ALDH16A1: variants seen among roughly 807,000 people sequenced by gnomAD.
ALDH16A1 encodes aldehyde dehydrogenase 16 family member A1.
In ALDH16A1, 88 loss-of-function variants were observed where a neutral mutation model predicts 96.1. That is an observed-to-expected ratio of 0.92 (90% CI 0.77 to 1.09). The LOEUF (loss-of-function observed/expected upper bound fraction) is 1.09, where lower values mean the gene tolerates loss of function less well. ALDH16A1 is among the 50% of genes least tolerant of loss of function. ALDH16A1 has a pLI of 0.00. For synonymous variants in ALDH16A1, 522 were observed against 496.4 expected (o/e 1.05, Z -0.69); for missense variants, 1,250 against 1,112.6 (o/e 1.12, Z -1.76).
Position 49,461,742 on chromosome 19 carries a change from T to G in ALDH16A1, c.701T>G (p.Val234Gly). The change falls in exon 6 of 17, where the codon GTG (valine) becomes GGG (glycine). Residue 234 changes from valine to glycine, a missense_variant. Physicochemically the swap from Val to Gly is moderately radical, Grantham distance 109 (BLOSUM62 -3). Transcript: ENST00000293350. ...GTCCTCAGTGGCCCTGCGTCCCTGGTGCCCATCCTGGCCTCCCAGCCTGGA... is the reference window on the plus strand; with the variant it reads ...GTCCTCAGTGGCCCTGCGTCCCTGGGGCCCATCCTGGCCTCCCAGCCTGGA... ...LNVLSGPASLVPILASQPGIR... is the reference protein window; with the variant it reads ...LNVLSGPASLGPILASQPGIR... The G allele has an allele frequency of 6.2e-7, 1 of 1,610,236 alleles. No homozygotes were observed. The highest frequency in any genetic ancestry group is 8.5e-7 in the Non-Finnish European group (1 of 1,178,322).
chr19:49,468,829 G>T lies in ALDH16A1; in HGVS notation c.2125-35G>T, dbSNP rs202240148. ...TGCCCACTCCTTGCCCTGCCCCCAC[G>T]GCCTCCCCAACCTTTCACTCTCTCT... On this transcript the variant is annotated intron_variant, in intron 15 of 16. Transcript: ENST00000293350. This position sits in a 1 kb window ranked among gnomAD's most constrained non-coding sequence, Gnocchi z 4.4. 3.2e-5 allele frequency: 51 copies of T among 1,591,536 alleles called. No individual in the cohort carries two copies. The highest frequency in any genetic ancestry group is 4.4e-5 in the Non-Finnish European group (51 of 1,167,272).
At chr19:49,454,996 T>C (rs182191701) in intron 1 of ALDH16A1, among the ~76,000 whole-genome samples, 11 of 150,016 alleles carry the variant, frequency 7.3e-5, no homozygotes, top group Non-Finnish European at 1.6e-4. Context: ...TGTTTGCCTG[T>C]AATCCTAGCT....
intron 16 of ALDH16A1, 54 bp from the exon 17 acceptor site, chr19:49,470,252 G>A (rs1052033891): frequency 6.2e-7 from 1 of 1,600,584 alleles, no homozygotes. Context: ...GAGGAAGCAG[G>A]TGCTCAGCAA....
chr19:49,460,371 G>C (rs1181883163), intron 4 of ALDH16A1, among the ~76,000 whole-genome samples: 1 of 151,712 alleles, frequency 6.6e-6, no homozygotes, highest in Admixed American at 6.6e-5. Context: ...CCAAGTAACT[G>C]GGACTACGAC....
At position 49,462,676 on chromosome 19, in the gene ALDH16A1, T is replaced by C; in HGVS notation, c.1019T>C (p.Val340Ala). 1 of 1,609,862 alleles carries C rather than the reference T, an allele frequency of 6.2e-7. No homozygotes were observed. The highest frequency in any genetic ancestry group is 8.5e-7 in the Non-Finnish European group (1 of 1,179,190). The change falls in exon 8 of 17, where the codon GTG becomes GCG. Residue 340 changes from valine (V) to alanine (A), a missense_variant. Physicochemically the swap from Val to Ala is moderately conservative, Grantham distance 64 (BLOSUM62 0). Transcript: ENST00000293350. ...LRSGRGLDGA[V>A]DMGARGAAAC... is the part of the protein sequence containing the mutation. The stretch of plus-strand genomic sequence containing the variant: ...AGTGGCCGAGGGCTGGATGGGGCCG[T>C]GGACATGGGGGCCCGGGGGGCTGCC...
At chr19:49,466,050 G>C in intron 13 of ALDH16A1, 32 bp from the exon 14 acceptor site, 1 of 1,539,570 alleles carries the variant, frequency 6.5e-7, no homozygotes. Context: ...AGACCAGGAT[G>C]CCAACCCCCA....
chr19:49,461,623 C>T lies in ALDH16A1; in HGVS notation c.582C>T (p.Cys194=), dbSNP rs1422242498. 4.4e-6 allele frequency: 7 copies of T among 1,585,558 alleles called. No homozygotes were observed. Among genetic ancestry groups the T allele is most frequent in the Non-Finnish European group, 6.0e-6 (7 of 1,167,338 alleles). Residue 194 remains cysteine (C), a synonymous_variant, in exon 6 of 17, where the codon TGC becomes TGT. Coordinates refer to ENST00000293350, the MANE Select transcript of ALDH16A1 (RefSeq NM_153329.4). The part of the protein sequence containing the change: ...WRICPALAVG[C]TVVALVPPAS... The stretch of plus-strand genomic sequence containing the variant: ...TGAGCTGCCCCACTTCCCCAGGCTG[C>T]ACCGTGGTGGCCCTCGTGCCCCCGG...
In ALDH16A1 at chr19:49,461,954, CGCT is replaced by C. The variant is rs753339031; in HGVS notation, c.841_843del (p.Leu281del). 29 of 1,568,042 alleles carry C rather than the reference CGCT, an allele frequency of 1.8e-5. No homozygotes were observed. Among genetic ancestry groups the C allele is most frequent in the East Asian group, 4.7e-5 (2 of 42,424 alleles). ...CTGGGCCTGGCGCTGGGGACGGAGTCGCTGCTGCTGCTGACGGACACGGCGGAC... is the reference window on the plus strand; with the variant it reads ...CTGGGCCTGGCGCTGGGGACGGAGTCGCTGCTGCTGACGGACACGGCGGAC... On this transcript the variant is annotated inframe_deletion, in exon 7 of 17. Transcript: ENST00000293350.
At chr19:49,469,108 A>G in intron 16 of ALDH16A1, 122 bp downstream of exon 16, 1 of 1,437,178 alleles carries the variant, frequency 7.0e-7, no homozygotes, top group South Asian at 1.4e-5. Context: ...CTCCTTGACA[A>G]GAAGGTTTTG....
Position 49,470,279 on chromosome 19 carries a change from C to T in ALDH16A1, c.2248-27C>T, listed in dbSNP as rs748817777. 5 of 1,611,920 alleles carry T rather than the reference C, an allele frequency of 3.1e-6. No homozygotes were observed. The African/African-American group carries it at 6.7e-5, about 22-fold the overall frequency. On this transcript the variant is annotated intron_variant, in intron 16 of 16. Transcript: ENST00000293350. ...GCTCAGCAACAAGCCTGCAGAAGTG[C>T]TTACCCCCGTCTCTTCCTCCCCTCA...
At chr19:49,464,354 C>T in intron 10 of ALDH16A1, 63 bp from the exon 11 acceptor site, 3 of 1,564,370 alleles carry the variant, frequency 1.9e-6, no homozygotes, top group Admixed American at 1.9e-5. Flanking sequence ...GCCTTTAACT[C>T]ACCCCTCTCC....
In ALDH16A1 at chr19:49,468,779, T is replaced by G; in HGVS notation, c.2125-85T>G. 6.9e-7 allele frequency: 1 copy of G among 1,455,448 alleles called. No homozygotes were observed. Among genetic ancestry groups the G allele is most frequent in the Non-Finnish European group, 9.4e-7 (1 of 1,064,476 alleles). The allele number at this position is 1,455,448 out of a possible 1,614,324, so 90.2% of individuals were successfully genotyped here. On this transcript the variant is annotated intron_variant, in intron 15 of 16. Transcript: ENST00000293350. The surrounding 1 kb of genome is among the most constrained non-coding windows in gnomAD (Gnocchi z 4.4). ...TTCTCCTCCATGACCCCCCATCCCC[T>G]TCCCTCCCATGGGCACCCCCTGAAT...
In ALDH16A1 at chr19:49,470,396, G is replaced by A. The variant is rs1232074627; in HGVS notation, c.2338G>A (p.Glu780Lys). ...GCPRAWDQEA[E>K]GAGPELGLRV... ...CCCGCGGGCCTGGGACCAGGAGGCC[G>A]AGGGGGCAGGCCCAGAGCTGGGGCT... Residue 780 changes from glutamate (E) to lysine (K), a missense_variant, in exon 17 of 17, where the codon GAG becomes AAG. Physicochemically the swap from Glu to Lys is moderately conservative, Grantham distance 56. Coordinates refer to ENST00000293350, the MANE Select transcript of ALDH16A1 (RefSeq NM_153329.4). The A allele has an allele frequency of 9.9e-6, 16 of 1,612,138 alleles. No homozygotes were observed. The highest frequency in any genetic ancestry group is 5.0e-5 in the Admixed American group (3 of 59,788).
chr19:49,465,819 G>A lies in ALDH16A1; in HGVS notation c.1650G>A (p.Ser550=), dbSNP rs371179742. 8.1e-5 allele frequency: 130 copies of A among 1,614,016 alleles called. 2 individuals carry two copies. Among genetic ancestry groups the A allele is most frequent in the East Asian group, 4.7e-4 (21 of 44,902 alleles). ...GAAGCTCCAGGCCCATCCGGGATTC[G>A]TCTGGCAACCTCCATGGCTACGTGG... ...GARSSRPIRD[S]SGNLHGYVAE... is the part of the protein sequence containing the mutation. Residue 550 remains serine, a synonymous_variant, in exon 13 of 17, where the codon TCG becomes TCA. Coordinates refer to ENST00000293350, the MANE Select transcript of ALDH16A1 (RefSeq NM_153329.4).
intron 12 of ALDH16A1, 86 bp from the exon 13 acceptor site, chr19:49,465,652 C>T (rs1438840920): frequency 6.8e-7 from 1 of 1,472,534 alleles, no homozygotes; most frequent in Non-Finnish European, 9.2e-7. Context: ...TCACGGGAGC[C>T]AAGGCAGTCT....
rs1371418996 is a variant in ALDH16A1, at chr19:49,459,536, C to A, written c.321-134C>A. The A allele has an allele frequency of 4.0e-6, 4 of 999,852 alleles. No homozygotes were observed. Among genetic ancestry groups the A allele is most frequent in the African/African-American group, 3.3e-5 (2 of 60,378 alleles). The allele number at this position is 999,852 out of a possible 1,614,324, so 61.9% of individuals were successfully genotyped here. A position where few individuals can be genotyped will look rare whatever the true frequency, so the allele number is the denominator to read the frequency against. On this transcript the variant is annotated intron_variant, in intron 3 of 16. Coordinates refer to ENST00000293350, the MANE Select transcript of ALDH16A1 (RefSeq NM_153329.4). This position sits in a 1 kb window ranked among gnomAD's most constrained non-coding sequence, Gnocchi z 4.1. The stretch of plus-strand genomic sequence containing the variant: ...CTATAATTCTCATAAATCTTCACTG[C>A]CCTCTGCCCCAGGTAAATGGTGGGG...
At chr19:49,458,179 A>G (rs1381623218) in intron 1 of ALDH16A1, among the ~76,000 whole-genome samples, 2 of 151,792 alleles carry the variant, frequency 1.3e-5, no homozygotes, top group African/African-American at 4.8e-5. Flanking sequence ...AGATCATGCC[A>G]CTGCACTCCA....
Position 49,459,915 on chromosome 19 carries a change from A to C in ALDH16A1, c.499+67A>C. 1 of 1,510,908 alleles carries C rather than the reference A, an allele frequency of 6.6e-7. No homozygotes were observed. The highest frequency in any genetic ancestry group is 8.9e-7 in the Non-Finnish European group (1 of 1,128,604). 93.6% of individuals were successfully genotyped at this position (1,510,908 alleles called of 1,614,324 possible). On this transcript the variant is annotated intron_variant, in intron 4 of 16. Transcript: ENST00000293350. The surrounding 1 kb of genome is among the most constrained non-coding windows in gnomAD (Gnocchi z 4.1). ...CAGCAGTGCTAGCTCCAGTCCCCTC[A>C]TTCTTTTTCTTTTAGACAGAGTTTC...
rs747180806 is a variant in ALDH16A1 at position 49,464,621 on chromosome 19, C to T, written c.1438-11C>T. The T allele has an allele frequency of 1.7e-5, 28 of 1,614,004 alleles. No homozygotes were observed. Among genetic ancestry groups the T allele is most frequent in the Middle Eastern group, 3.3e-4 (2 of 6,084 alleles). On this transcript the variant is annotated splice_polypyrimidine_tract_variant and intron_variant, in intron 11 of 16. Coordinates refer to ENST00000293350, the MANE Select transcript of ALDH16A1 (RefSeq NM_153329.4). ...GCCCCTTGCATCCTCTTGACACCGT[C>T]CCTCTCACAGGGGCTGTATGAGTAT... is the stretch of plus-strand genomic sequence containing the variant.
Sources: gnomAD v4.1 joint callset for allele counts (sites outside exome capture counted in the v4.1 genomes callset) on GRCh38, gnomAD v4.1.1 for gene constraint, Gnocchi (gnomAD v3.1) non-coding constraint, MANE v1.5 for transcripts, NCBI Gene and HGNC (gene_info 2026-07-23, HGNC 2026-07-21) for gene names.